ARHGAP26: variants seen among roughly 807,000 people sequenced by gnomAD.
The protein encoded by ARHGAP26 is Rho GTPase activating protein 26.
In ARHGAP26, 38 loss-of-function variants were observed where a neutral mutation model predicts 104.8. The observed-to-expected ratio is 0.36, with a 90% confidence interval of 0.28 to 0.48. The LOEUF (loss-of-function observed/expected upper bound fraction) is 0.48. ARHGAP26 is among the 20% of genes least tolerant of loss of function. The probability of loss-of-function intolerance (pLI) is 0.99; values close to 1 mark genes in which losing one functional copy is unlikely to be tolerated. For missense variants in ARHGAP26, 704 were observed against 947.9 expected, an observed-to-expected ratio of 0.74 and a Z score of 3.38; for synonymous variants, 341 against 340.0, an observed-to-expected ratio of 1.00 and a Z score of -0.03.
intron 11 of ARHGAP26, among the ~76,000 whole-genome samples, chr5:142,943,352 C>G (rs1393400871): frequency 3.9e-5 from 6 of 152,146 alleles, no homozygotes; most frequent in African/African-American, 1.2e-4. Flanking sequence ...TTATTTCTTA[C>G]ATTTTTGGAG....
intron 17 of ARHGAP26, among the ~76,000 whole-genome samples, chr5:143,070,821 A>G (rs1459743969): frequency 6.6e-6 from 1 of 152,142 alleles, no homozygotes; most frequent in African/African-American, 2.4e-5. Context: ...CTGAGGCAGG[A>G]GAATCACTTA....
rs139824875 is a variant in ARHGAP26 at position 143,034,566 on chromosome 5, C to T, written c.1145-2630C>T. Among the ~76,000 whole-genome samples, 958 of 152,212 alleles carry T rather than the reference C, an allele frequency of 6.3e-3. 5 individuals carry two copies. Among genetic ancestry groups the T allele is most frequent in the Non-Finnish European group, 0.01 (685 of 67,992 alleles). On this transcript the variant is annotated intron_variant, in intron 12 of 22. Transcript: ENST00000645722. ...TAGGCAAATCCATAGAAAAGGAATTCTTCCCACAGCTGGGGGAAGGGAAGA... is the reference window on the plus strand; with the variant it reads ...TAGGCAAATCCATAGAAAAGGAATTTTTCCCACAGCTGGGGGAAGGGAAGA...
Position 142,945,329 on chromosome 5 carries a change from T to C in ARHGAP26, c.1107+13204T>C, listed in dbSNP as rs73796678. On this transcript the variant is annotated intron_variant, in intron 11 of 22. Coordinates refer to ENST00000645722, the MANE Select transcript of ARHGAP26 (RefSeq NM_001135608.3). The stretch of plus-strand genomic sequence containing the variant: ...GATGGAAGATGCCTGCCACTCACTA[T>C]ACCTATTCTATTCTAAAGGGCAGTC... Among the ~76,000 whole-genome samples, 89 of 152,346 alleles carry C rather than the reference T, an allele frequency of 5.8e-4. 1 individual carries two copies. The highest frequency in any genetic ancestry group is 2.0e-3 in the African/African-American group (83 of 41,582).
At chr5:143,105,860 G>A (rs1292208833) in intron 17 of ARHGAP26, among the ~76,000 whole-genome samples, 1 of 152,160 alleles carries the variant, frequency 6.6e-6, no homozygotes, top group Non-Finnish European at 1.5e-5. Context: ...GCCACTCACT[G>A]TTTGTTTTTA....
chr5:142,845,359 T>C (rs1434496751), intron 1 of ARHGAP26, among the ~76,000 whole-genome samples: 1 of 152,192 alleles, frequency 6.6e-6, no homozygotes, highest in Admixed American at 6.5e-5. Flanking sequence ...ATGAGGAAGC[T>C]GAGTCTCAGA....
chr5:143,178,421 G>C (rs1803814173), intron 20 of ARHGAP26, among the ~76,000 whole-genome samples: 1 of 152,182 alleles, frequency 6.6e-6, no homozygotes, highest in African/African-American at 2.4e-5. Context: ...GTATGAGGGT[G>C]ACAACTTTGC....
At chr5:143,040,610 C>A (rs530392856) in intron 13 of ARHGAP26, among the ~76,000 whole-genome samples, 30 of 152,242 alleles carry the variant, frequency 2.0e-4, no homozygotes, top group African/African-American at 6.7e-4. Context: ...ATATTGTTAA[C>A]TGCTATAAAG....
Position 142,770,687 on chromosome 5 carries a change from C to T in ARHGAP26, c.-75C>T. On this transcript the variant is annotated 5_prime_UTR_variant, in exon 1 of 23. Coordinates refer to ENST00000645722, the MANE Select transcript of ARHGAP26 (RefSeq NM_001135608.3). ...TCGGGGGAGCCGGCCGGGGTCCCGC[C>T]GCGTGAGTGCTCTGGGCGGCGGGCG... is the stretch of plus-strand genomic sequence containing the variant. The T allele has an allele frequency of 9.7e-7, 1 of 1,032,772 alleles. No individual in the cohort carries two copies. Among genetic ancestry groups the T allele is most frequent in the Non-Finnish European group, 1.2e-6 (1 of 848,278 alleles). The allele number at this position is 1,032,772 out of a possible 1,614,324, so 64.0% of individuals were successfully genotyped here.
At chr5:143,194,514 A>G (rs985399144) in intron 20 of ARHGAP26, among the ~76,000 whole-genome samples, 7 of 152,166 alleles carry the variant, frequency 4.6e-5, no homozygotes, top group East Asian at 1.9e-4. Context: ...TTTTTGCACT[A>G]TAAGTTTGCT....
chr5:143,128,201 C>T (rs1422290638), intron 18 of ARHGAP26, among the ~76,000 whole-genome samples: 1 of 152,144 alleles, frequency 6.6e-6, no homozygotes, highest in African/African-American at 2.4e-5. Context: ...TATATTCCCC[C>T]CAATAAATCC....
chr5:142,935,799 T>TA (rs1003338421), intron 11 of ARHGAP26, among the ~76,000 whole-genome samples: 6 of 152,174 alleles, frequency 3.9e-5, no homozygotes, highest in Non-Finnish European at 5.9e-5. Flanking sequence ...AGTTTCTACT[T>TA]ACTCTCAGAT....
chr5:142,976,281 A>G (rs1773076315), intron 11 of ARHGAP26, among the ~76,000 whole-genome samples: 1 of 152,246 alleles, frequency 6.6e-6, no homozygotes, highest in East Asian at 1.9e-4. Context: ...GAAACCATTT[A>G]GAAAGCACCT....
chr5:143,042,476 G>A (rs1433695209), intron 14 of ARHGAP26, among the ~76,000 whole-genome samples: 3 of 152,218 alleles, frequency 2.0e-5, no homozygotes, highest in African/African-American at 7.2e-5. Flanking sequence ...GTCTCCAAAT[G>A]TGCAGTATTT....
chr5:143,149,451 G>A (rs955851166), intron 20 of ARHGAP26, among the ~76,000 whole-genome samples: 14 of 152,120 alleles, frequency 9.2e-5, no homozygotes, highest in South Asian at 2.1e-4. Context: ...CTGCAGGCAG[G>A]CTCGCAGCCA....
intron 1 of ARHGAP26, among the ~76,000 whole-genome samples, chr5:142,835,404 A>G (rs1307578226): frequency 4.6e-5 from 7 of 152,216 alleles, no homozygotes; most frequent in African/African-American, 1.2e-4. Context: ...GGGTCTTGCA[A>G]TCTTTATCAA....
intron 19 of ARHGAP26, among the ~76,000 whole-genome samples, chr5:143,135,943 A>G (rs193263199): frequency 8.5e-5 from 13 of 152,360 alleles, no homozygotes; most frequent in African/African-American, 2.9e-4. Context: ...CACTTGGAAC[A>G]GAACTGGCCT....
intron 20 of ARHGAP26, among the ~76,000 whole-genome samples, chr5:143,171,537 A>T (rs1186225383): frequency 6.6e-6 from 1 of 152,182 alleles, no homozygotes; most frequent in Non-Finnish European, 1.5e-5. Context: ...ATAAAGTTTT[A>T]TGGGACACCT....
chr5:143,014,132 G>A lies in ARHGAP26; in HGVS notation c.1144+16G>A. 6.2e-7 allele frequency: 1 copy of A among 1,614,054 alleles called. No individual in the cohort carries two copies. Among genetic ancestry groups the A allele is most frequent in the Non-Finnish European group, 8.5e-7 (1 of 1,179,898 alleles). On this transcript the variant is annotated intron_variant, in intron 12 of 22. Coordinates refer to ENST00000645722, the MANE Select transcript of ARHGAP26 (RefSeq NM_001135608.3). The stretch of plus-strand genomic sequence containing the variant: ...AGTGAAGGGAGTAAGTACGATGCTT[G>A]GGTAACCTTCTACAGCCAGGGTTGG...
intron 20 of ARHGAP26, among the ~76,000 whole-genome samples, chr5:143,167,407 G>T (rs1014825790): frequency 2.1e-5 from 3 of 142,666 alleles, no homozygotes; most frequent in Non-Finnish European, 3.0e-5. Context: ...ACTTGAACCC[G>T]GGGGGGAAGA....
Sources: allele counts gnomAD v4.1 joint callset (sites outside exome capture counted in the v4.1 genomes callset), GRCh38; gene constraint gnomAD v4.1.1; transcripts MANE v1.5; gene names NCBI Gene and HGNC (gene_info 2026-07-23, HGNC 2026-07-21).